The following RGS17 variants were observed in gnomAD, a reference collection of about 807,000 sequenced individuals.
RGS17 encodes regulator of G protein signaling 17.
Under a neutral mutation model 25.5 loss-of-function variants are expected in RGS17, and 12 were observed. That is an observed-to-expected ratio of 0.47 (90% CI 0.30 to 0.76). The LOEUF (loss-of-function observed/expected upper bound fraction) is 0.76, where lower values mean the gene tolerates loss of function less well. Ranked by LOEUF, RGS17 falls within the 30% of genes least tolerant of loss-of-function variation. RGS17 has a pLI of 0.07. For missense variants in RGS17, 196 were observed against 242.2 expected (o/e 0.81, Z 1.27); for synonymous variants, 71 against 76.9 (o/e 0.92, Z 0.40).
At chr6:153,110,425 T>TACATACACACACACACAC (rs1777450390) in intron 1 of RGS17, among the ~76,000 whole-genome samples, 1 of 144,840 alleles carries the variant, frequency 6.9e-6, no homozygotes, top group Non-Finnish European at 1.5e-5. Context: ...ACTGCCAACA[T>TACATACACACACACACAC]ACACACACAC....
At chr6:153,112,740 C>T (rs1174231554) in intron 1 of RGS17, among the ~76,000 whole-genome samples, 1 of 151,952 alleles carries the variant, frequency 6.6e-6, no homozygotes, top group Admixed American at 6.5e-5. Context: ...AGAAACCCTA[C>T]AAGCCAGAAG....
intron 1 of RGS17, among the ~76,000 whole-genome samples, chr6:153,128,680 G>T (rs1777741663): frequency 6.6e-6 from 1 of 152,146 alleles, no homozygotes. Flanking sequence ...GGCCCTCGTG[G>T]TAGGAAATGT....
intron 4 of RGS17, among the ~76,000 whole-genome samples, chr6:153,020,109 AAAATAT>A (rs1270737452): frequency 0.033 from 2,008 of 60,586 alleles, 56 homozygotes; most frequent in Non-Finnish European, 0.045. Context: ...TTAAAAAAAA[AAAATAT>A]ATATATATAT....
chr6:153,059,027 TCA>T (rs1446291341), intron 1 of RGS17, among the ~76,000 whole-genome samples: 1 of 152,128 alleles, frequency 6.6e-6, no homozygotes, highest in Admixed American at 6.6e-5. Flanking sequence ...CTCTGGGTGG[TCA>T]CAGTCTGGCT....
At chr6:153,127,887 C>T (rs1157155945) in intron 1 of RGS17, among the ~76,000 whole-genome samples, 6 of 152,152 alleles carry the variant, frequency 3.9e-5, no homozygotes, top group Non-Finnish European at 8.8e-5. Flanking sequence ...GCCATGTCGA[C>T]CCTGCAAAAT....
In RGS17 at chr6:153,008,543, G is replaced by A. The variant is rs1037075755; in HGVS notation, c.*3031C>T. The A allele has an allele frequency of 6.6e-6, 1 of 152,060 alleles. No individual in the cohort carries two copies. Among genetic ancestry groups the A allele is most frequent in the African/African-American group, 2.4e-5 (1 of 41,396 alleles). The allele number at this position is 152,060 out of a possible 1,614,324, so 9.4% of individuals were successfully genotyped here. Reference sequence around the variant, plus strand: ...ACAAGATCAATCTCTGAAGAAATCTGGCTCTCCAATTTATTTATATATACA... The same window carrying A: ...ACAAGATCAATCTCTGAAGAAATCTAGCTCTCCAATTTATTTATATATACA... On this transcript the variant is annotated 3_prime_UTR_variant, in exon 5 of 5. Transcript: ENST00000206262.
intron 4 of RGS17, among the ~76,000 whole-genome samples, chr6:153,019,553 G>A (rs528085559): frequency 6.6e-6 from 1 of 152,262 alleles, no homozygotes; most frequent in East Asian, 1.9e-4. Flanking sequence ...TCTCATGAAT[G>A]CTTTAGCACC....
At chr6:153,097,267 G>A (rs1364863961) in intron 1 of RGS17, among the ~76,000 whole-genome samples, 1 of 148,392 alleles carries the variant, frequency 6.7e-6, no homozygotes, top group African/African-American at 2.5e-5. Flanking sequence ...GCTTGGTAGG[G>A]CTTAGACAAT....
At chr6:153,122,023 T>G (rs1777639316) in intron 1 of RGS17, among the ~76,000 whole-genome samples, 1 of 152,220 alleles carries the variant, frequency 6.6e-6, no homozygotes, top group Admixed American at 6.5e-5. Flanking sequence ...GGTTACATAA[T>G]ATAGCAGAGT....
intron 1 of RGS17, among the ~76,000 whole-genome samples, chr6:153,073,478 G>A (rs1285896154): frequency 1.3e-5 from 2 of 152,168 alleles, no homozygotes; most frequent in Admixed American, 1.3e-4. Context: ...AACTTAGAGT[G>A]TTTAGAAATG....
At chr6:153,106,154 C>T (rs1777381110) in intron 1 of RGS17, among the ~76,000 whole-genome samples, 1 of 151,916 alleles carries the variant, frequency 6.6e-6, no homozygotes, top group Non-Finnish European at 1.5e-5. Context: ...GTGTAGAAGC[C>T]ACCCTTTGGT....
intron 1 of RGS17, among the ~76,000 whole-genome samples, chr6:153,061,075 T>G (rs1240229017): frequency 6.6e-6 from 1 of 152,198 alleles, no homozygotes; most frequent in Non-Finnish European, 1.5e-5. Context: ...GGAAAGTCAT[T>G]CAATTGCTTA....
chr6:153,107,953 A>T (rs1056003033), intron 1 of RGS17, among the ~76,000 whole-genome samples: 11 of 152,190 alleles, frequency 7.2e-5, no homozygotes, highest in South Asian at 4.1e-4. Context: ...TATGTCATTT[A>T]AAAAAATCAC....
intron 2 of RGS17, among the ~76,000 whole-genome samples, chr6:153,030,893 T>A (rs779522956): frequency 6.6e-6 from 1 of 152,196 alleles, no homozygotes; most frequent in Admixed American, 6.5e-5. Flanking sequence ...ACTGTGCATA[T>A]GGGGTTTCTT....
intron 1 of RGS17, among the ~76,000 whole-genome samples, chr6:153,080,738 A>G (rs1178607252): frequency 6.6e-6 from 1 of 152,084 alleles, no homozygotes; most frequent in Non-Finnish European, 1.5e-5. Flanking sequence ...GAATGCTGTA[A>G]AAAGCATTGA....
chr6:153,029,409 T>C lies in RGS17; in HGVS notation c.120-2866A>G, dbSNP rs958092322. On this transcript the variant is annotated intron_variant, in intron 2 of 4. Coordinates refer to ENST00000206262, the MANE Select transcript of RGS17 (RefSeq NM_012419.5). ...GTTTGTCTGTCTTGATATTGACTAATGTCTGTCCTACCTGGTCCTGCTCCA... is the reference window on the plus strand; with the variant it reads ...GTTTGTCTGTCTTGATATTGACTAACGTCTGTCCTACCTGGTCCTGCTCCA... 2.0e-5 allele frequency among the ~76,000 whole-genome samples: 3 copies of C among 152,214 alleles called. No individual in the cohort carries two copies. In the East Asian group the frequency reaches 5.8e-4, roughly 29 times the overall value.
intron 2 of RGS17, among the ~76,000 whole-genome samples, chr6:153,042,509 T>A (rs754954757): frequency 6.6e-6 from 1 of 152,220 alleles, no homozygotes; most frequent in Non-Finnish European, 1.5e-5. Flanking sequence ...CTTTACCTTC[T>A]GCCATGATTG....
chr6:153,044,424 T>C (rs1776362407), intron 1 of RGS17, among the ~76,000 whole-genome samples: 2 of 152,236 alleles, frequency 1.3e-5, no homozygotes, highest in African/African-American at 4.8e-5. Flanking sequence ...GTAACTCGTT[T>C]TTCCACTAAT....
intron 2 of RGS17, among the ~76,000 whole-genome samples, chr6:153,028,872 C>T (rs1466605318): frequency 1.3e-5 from 2 of 152,170 alleles, no homozygotes; most frequent in Non-Finnish European, 2.9e-5. Context: ...AGGCAGTACA[C>T]ATGACGCAGG....
Sources: allele counts gnomAD v4.1 joint callset (sites outside exome capture counted in the v4.1 genomes callset), GRCh38; gene constraint gnomAD v4.1.1; transcripts MANE v1.5; gene names NCBI Gene and HGNC (gene_info 2026-07-23, HGNC 2026-07-21).